Variants in LRRTM4 observed in about 807,000 individuals in gnomAD.
LRRTM4 encodes the protein leucine-rich repeat transmembrane neuronal protein 4.
In LRRTM4, 25 loss-of-function variants were observed where a neutral mutation model predicts 47.6. The observed-to-expected ratio is 0.53, with a 90% CI of 0.38 to 0.73. The LOEUF is 0.73. Among genes scored for constraint, LRRTM4 ranks in the 30% least tolerant of loss-of-function variants. The pLI is 0.00. For synonymous variants in LRRTM4, 311 were observed against 269.5 expected (o/e 1.15, Z -1.51); for missense variants, 638 against 713.4 (o/e 0.89, Z 1.20).
Position 77,290,816 on chromosome 2 carries a change from T to A in LRRTM4, c.1551+227502A>T, listed in dbSNP as rs79907342. Among the ~76,000 whole-genome samples the A allele has an allele frequency of 6.2e-3, 936 of 152,156 alleles. 11 individuals carry two copies. Among genetic ancestry groups the A allele is most frequent in the African/African-American group, 0.02 (846 of 41,532 alleles). ...TTTTTCCTACAGTTTCATGATTTTT[T>A]AAAAATTTTCCAGCCATACATGATT... On this transcript the variant is annotated intron_variant, in intron 3 of 3. Coordinates refer to ENST00000409884, the MANE Select transcript of LRRTM4 (RefSeq NM_001134745.3).
chr2:77,111,548 C>G (rs1671249855), intron 3 of LRRTM4, among the ~76,000 whole-genome samples: 1 of 152,092 alleles, frequency 6.6e-6, no homozygotes, highest in African/African-American at 2.4e-5. Flanking sequence ...AAATTGCACA[C>G]TGTTATGAGT....
At chr2:77,021,812 A>G (rs1333347459) in intron 3 of LRRTM4, among the ~76,000 whole-genome samples, 1 of 150,874 alleles carries the variant, frequency 6.6e-6, no homozygotes, top group Admixed American at 6.7e-5. Flanking sequence ...AATTTTTAAT[A>G]TGTATTCAAG....
At chr2:77,029,055 A>ATATATATATATATATAATATATATATAT (rs1355144542) in intron 3 of LRRTM4, among the ~76,000 whole-genome samples, 2 of 143,990 alleles carry the variant, frequency 1.4e-5, no homozygotes, top group African/African-American at 2.5e-5. Context: ...ACACACAAAT[A>ATATATATATATATATAATATATATATAT]TATATATATA....
intron 3 of LRRTM4, among the ~76,000 whole-genome samples, chr2:77,164,194 A>G (rs193218729): frequency 2.2e-4 from 34 of 152,324 alleles, no homozygotes; most frequent in African/African-American, 7.5e-4. Context: ...TAAACCAACA[A>G]AGATCAAAAG....
chr2:77,143,908 C>A (rs1672189471), intron 3 of LRRTM4, among the ~76,000 whole-genome samples: 1 of 152,138 alleles, frequency 6.6e-6, no homozygotes, highest in Admixed American at 6.5e-5. Context: ...TACACACAGA[C>A]AAAATACACT....
chr2:77,338,862 A>G (rs550224544), intron 3 of LRRTM4, among the ~76,000 whole-genome samples: 8 of 152,204 alleles, frequency 5.3e-5, no homozygotes, highest in East Asian at 3.9e-4. Context: ...GTGTCTATCA[A>G]TGGTGGACTG....
chr2:77,016,992 A>G (rs1558799786), intron 3 of LRRTM4, among the ~76,000 whole-genome samples: 1 of 151,784 alleles, frequency 6.6e-6, no homozygotes, highest in Non-Finnish European at 1.5e-5. Context: ...AGCTGTGAAT[A>G]CTCCATGCTT....
intron 3 of LRRTM4, among the ~76,000 whole-genome samples, chr2:77,219,525 T>C (rs1220476796): frequency 6.6e-6 from 1 of 152,160 alleles, no homozygotes; most frequent in Non-Finnish European, 1.5e-5. Flanking sequence ...GGTACCCTTG[T>C]TTACAGTACG....
chr2:77,428,722 A>G (rs1675227965), intron 3 of LRRTM4, among the ~76,000 whole-genome samples: 1 of 152,244 alleles, frequency 6.6e-6, no homozygotes, highest in Admixed American at 6.5e-5. Context: ...CATTAACGGA[A>G]GAATCAGAAG....
chr2:77,408,003 A>T (rs1254927998), intron 3 of LRRTM4, among the ~76,000 whole-genome samples: 1 of 152,050 alleles, frequency 6.6e-6, no homozygotes. Context: ...CTTAACCTTG[A>T]TATTTTTTAG....
intron 3 of LRRTM4, among the ~76,000 whole-genome samples, chr2:77,260,223 T>C (rs1156270767): frequency 6.6e-6 from 1 of 152,088 alleles, no homozygotes; most frequent in African/African-American, 2.4e-5. Context: ...AGGTAAAGAA[T>C]AAACCCATCC....
At chr2:77,407,667 ATAAT>A (rs575393262) in intron 3 of LRRTM4, among the ~76,000 whole-genome samples, 6,221 of 139,704 alleles carry the variant, frequency 0.045, 463 homozygotes, top group African/African-American at 0.15. Flanking sequence ...ATTATATATA[ATAAT>A]TATATAATAT....
At position 77,387,973 on chromosome 2, in the gene LRRTM4, G is replaced by A. The variant is rs577642733; in HGVS notation, c.1551+130345C>T. Among the ~76,000 whole-genome samples the A allele has an allele frequency of 2.6e-5, 4 of 151,936 alleles. No individual in the cohort carries two copies. In the South Asian group the frequency reaches 6.2e-4, roughly 24 times the overall value. ...TCTCCACTTCATATTTACACATGAC[G>A]GGATAACATCAGGCTCTTGTTCTTT... is the stretch of plus-strand genomic sequence containing the variant. On this transcript the variant is annotated intron_variant, in intron 3 of 3. Coordinates refer to ENST00000409884, the MANE Select transcript of LRRTM4 (RefSeq NM_001134745.3).
chr2:77,290,976 A>C (rs1167966024), intron 3 of LRRTM4, among the ~76,000 whole-genome samples: 1 of 152,096 alleles, frequency 6.6e-6, no homozygotes, highest in Non-Finnish European at 1.5e-5. Context: ...GTCCCAGAGG[A>C]GGACATTACT....
At chr2:76,957,208 G>C (rs943606141) in intron 3 of LRRTM4, among the ~76,000 whole-genome samples, 12 of 151,626 alleles carry the variant, frequency 7.9e-5, no homozygotes, top group Non-Finnish European at 1.5e-4. Flanking sequence ...TGTTAAAGTG[G>C]TCAAACTCTT....
chr2:76,956,633 GA>G (rs1474022730), intron 3 of LRRTM4, among the ~76,000 whole-genome samples: 2 of 150,262 alleles, frequency 1.3e-5, no homozygotes, highest in African/African-American at 2.4e-5. Context: ...ATAGAGAATA[GA>G]AAAATTAAAA....
At chr2:76,990,562 C>T (rs1426860055) in intron 3 of LRRTM4, among the ~76,000 whole-genome samples, 1 of 151,700 alleles carries the variant, frequency 6.6e-6, no homozygotes, top group Non-Finnish European at 1.5e-5. Context: ...ATGGGCATTA[C>T]ATAATGACAA....
intron 3 of LRRTM4, among the ~76,000 whole-genome samples, chr2:77,506,569 G>C (rs916471390): frequency 3.3e-5 from 5 of 151,748 alleles, no homozygotes; most frequent in Non-Finnish European, 7.4e-5. Flanking sequence ...TGCTAAAAAA[G>C]AGATAATAAA....
At chr2:76,823,561 T>A (rs752263451) in intron 3 of LRRTM4, among the ~76,000 whole-genome samples, 1 of 151,506 alleles carries the variant, frequency 6.6e-6, no homozygotes, top group Non-Finnish European at 1.5e-5. Flanking sequence ...CCTGACAATT[T>A]CTGTATCAAA....
Sources: gnomAD v4.1 joint callset for allele counts (sites outside exome capture counted in the v4.1 genomes callset) on GRCh38, gnomAD v4.1.1 for gene constraint, MANE v1.5 for transcripts, NCBI Gene and HGNC (gene_info 2026-07-23, HGNC 2026-07-21) for gene names.